Variants in APPL2 observed in about 807,000 individuals in gnomAD.
APPL2 encodes adaptor protein, phosphotyrosine interacting with PH domain and leucine zipper 2.
Under a neutral mutation model 92.7 loss-of-function variants are expected in APPL2, and 84 were observed. That is an observed-to-expected ratio of 0.91 (90% CI 0.76 to 1.09). The LOEUF is 1.09. Among genes scored for constraint, APPL2 ranks in the 50% least tolerant of loss-of-function variants. The probability of loss-of-function intolerance (pLI) is 0.00; values close to 1 mark genes in which losing one functional copy is unlikely to be tolerated. For missense variants in APPL2, 736 were observed against 824.5 expected, an observed-to-expected ratio of 0.89 and a Z score of 1.31; for synonymous variants, 291 against 291.0, an observed-to-expected ratio of 1.00 and a Z score of 0.00.
At chr12:105,196,539 G>A (rs547032428) in intron 11 of APPL2, among the ~76,000 whole-genome samples, 140 of 143,970 alleles carry the variant, frequency 9.7e-4, no homozygotes, top group Non-Finnish European at 1.2e-3. Context: ...AGGTTCAAGC[G>A]ATTCTCCTGC....
chr12:105,220,512 C>A lies in APPL2; in HGVS notation c.154-2787G>T, dbSNP rs891086775. Among the ~76,000 whole-genome samples the A allele has an allele frequency of 2.0e-5, 3 of 152,336 alleles. No individual in the cohort carries two copies. In the East Asian group the frequency reaches 5.8e-4, roughly 29 times the overall value. Reference sequence around the variant, plus strand: ...CTCTGCAGGAGGCTCTCTTAAGCTACACCATTTCAGATCCCAGGAGCTTCT... The same window carrying A: ...CTCTGCAGGAGGCTCTCTTAAGCTAAACCATTTCAGATCCCAGGAGCTTCT... On this transcript the variant is annotated intron_variant, in intron 2 of 20. Transcript: ENST00000258530.
intron 16 of APPL2, among the ~76,000 whole-genome samples, chr12:105,188,851 A>G (rs1886956090): frequency 6.6e-6 from 1 of 152,186 alleles, no homozygotes; most frequent in African/African-American, 2.4e-5. Flanking sequence ...TTTGCAGGAT[A>G]TAAGATCTCA....
At chr12:105,194,653 T>G (rs1566064916) in intron 14 of APPL2, among the ~76,000 whole-genome samples, 1 of 151,906 alleles carries the variant, frequency 6.6e-6, no homozygotes, top group African/African-American at 2.4e-5. Flanking sequence ...ATTACTCCAC[T>G]GCACTCCAGC....
chr12:105,208,001 G>A lies in APPL2; in HGVS notation c.444C>T (p.Ser148=). The change falls in exon 7 of 21, where the codon AGC becomes AGT. Residue 148 remains serine (S), a synonymous_variant. Transcript: ENST00000258530. The stretch of plus-strand genomic sequence containing the variant: ...CATTCTCCTTTTTCTTAGGCAGCCT[G>A]CTGTATTTTGCCATTGAGAGGTCAT... ...NEHDLSMAKY[S]RLPKKKENEK... is the part of the protein sequence containing the mutation. 6.2e-7 allele frequency: 1 copy of A among 1,614,092 alleles called. No individual in the cohort carries two copies. Among genetic ancestry groups the A allele is most frequent in the Non-Finnish European group, 8.5e-7 (1 of 1,179,938 alleles).
chr12:105,209,494 G>C (rs535587641), intron 5 of APPL2, among the ~76,000 whole-genome samples: 2 of 152,114 alleles, frequency 1.3e-5, no homozygotes, highest in Non-Finnish European at 2.9e-5. Flanking sequence ...AATGCTGCTG[G>C]GCACTCTCAA....
chr12:105,228,564 TAGAA>T (rs1306022669), intron 2 of APPL2, among the ~76,000 whole-genome samples: 3 of 152,224 alleles, frequency 2.0e-5, no homozygotes, highest in African/African-American at 7.2e-5. Flanking sequence ...AATCTTCTCT[TAGAA>T]AGCAACATAC....
In APPL2 at chr12:105,191,194, C is replaced by CA. The variant is rs559962969; in HGVS notation, c.1242-1040dup. Among the ~76,000 whole-genome samples, 206 of 152,296 alleles carry CA rather than the reference C, an allele frequency of 1.4e-3. 1 individual carries two copies. The highest frequency in any genetic ancestry group is 4.7e-3 in the African/African-American group (196 of 41,566). On this transcript the variant is annotated intron_variant, in intron 14 of 20. Coordinates refer to ENST00000258530, the MANE Select transcript of APPL2 (RefSeq NM_018171.5). ...TACATAGGCTTGTAGATGGTCACTG[C>CA]AAGGCAAGCCCTTGGAGACCACTTG...
intron 17 of APPL2, among the ~76,000 whole-genome samples, chr12:105,178,592 C>A (rs1196862): frequency 6.6e-5 from 10 of 152,186 alleles, no homozygotes; most frequent in Non-Finnish European, 1.3e-4. Context: ...CGTGCAGTTA[C>A]ACTTATTAAA....
At chr12:105,184,845 C>A (rs910111505) in intron 17 of APPL2, among the ~76,000 whole-genome samples, 1 of 152,188 alleles carries the variant, frequency 6.6e-6, no homozygotes, top group Non-Finnish European at 1.5e-5. Context: ...TCTGCTGAAA[C>A]TGCGCCCACA....
chr12:105,232,961 G>A lies in APPL2; in HGVS notation c.54+2998C>T, dbSNP rs59308959. 9.3e-4 allele frequency: 462 copies of A among 498,788 alleles called. 5 individuals carry two copies. The highest frequency in any genetic ancestry group is 8.9e-3 in the African/African-American group (425 of 47,652). 30.9% of individuals were successfully genotyped at this position (498,788 alleles called of 1,614,324 possible). ...CTGCTCCCAGCCGGGCCACTCAACT[G>A]CATAACCTCAGAACTACATCTTTTA... On this transcript the variant is annotated intron_variant, in intron 1 of 20. Coordinates refer to ENST00000258530, the MANE Select transcript of APPL2 (RefSeq NM_018171.5).
At chr12:105,222,780 T>A (rs1279083244) in intron 2 of APPL2, among the ~76,000 whole-genome samples, 4 of 152,152 alleles carry the variant, frequency 2.6e-5, no homozygotes, top group Non-Finnish European at 5.9e-5. Flanking sequence ...TTAAGTGCTC[T>A]GACCAACAAG....
At chr12:105,224,180 C>T (rs997786505) in intron 2 of APPL2, among the ~76,000 whole-genome samples, 14 of 152,190 alleles carry the variant, frequency 9.2e-5, no homozygotes, top group Non-Finnish European at 1.0e-4. Context: ...GAGCCATTCA[C>T]GCCCTCTGCT....
intron 2 of APPL2, among the ~76,000 whole-genome samples, chr12:105,228,158 TAGTA>T (rs1435358616): frequency 6.6e-5 from 10 of 152,190 alleles, no homozygotes; most frequent in Non-Finnish European, 1.3e-4. Context: ...CTATATATAT[TAGTA>T]AGAGCTATAT....
chr12:105,205,263 CA>C (rs750408146), intron 8 of APPL2, among the ~76,000 whole-genome samples: 1 of 152,190 alleles, frequency 6.6e-6, no homozygotes, highest in African/African-American at 2.4e-5. Flanking sequence ...TTTCCATCTG[CA>C]TTTAAAAATA....
chr12:105,183,668 T>C (rs751101832), intron 17 of APPL2, among the ~76,000 whole-genome samples: 10 of 152,210 alleles, frequency 6.6e-5, no homozygotes, highest in Non-Finnish European at 1.3e-4. Flanking sequence ...AATGTGACCT[T>C]TCTCTCTGGC....
intron 20 of APPL2, 38 bp downstream of exon 20, chr12:105,175,997 T>C (rs900581175): frequency 3.9e-6 from 6 of 1,529,902 alleles, no homozygotes; most frequent in South Asian, 1.3e-5. Flanking sequence ...CAGATGTGTT[T>C]TGAGTAGCTA....
At chr12:105,215,983 C>T (rs752931834) in intron 4 of APPL2, among the ~76,000 whole-genome samples, 2 of 152,022 alleles carry the variant, frequency 1.3e-5, no homozygotes, top group Non-Finnish European at 2.9e-5. Flanking sequence ...GCCGAGATTG[C>T]GCCACTGCAC....
At chr12:105,209,792 C>T (rs1446510147) in intron 5 of APPL2, among the ~76,000 whole-genome samples, 1 of 152,148 alleles carries the variant, frequency 6.6e-6, no homozygotes, top group Non-Finnish European at 1.5e-5. Flanking sequence ...TTTGTTTAAT[C>T]AAGGTTTCCC....
At chr12:105,198,746 C>T (rs922581324) in intron 10 of APPL2, among the ~76,000 whole-genome samples, 11 of 152,332 alleles carry the variant, frequency 7.2e-5, no homozygotes, top group African/African-American at 2.2e-4. Flanking sequence ...AATCTAACTT[C>T]GTAAAGCAGG....
Sources: allele counts gnomAD v4.1 joint callset (sites outside exome capture counted in the v4.1 genomes callset), GRCh38; gene constraint gnomAD v4.1.1; transcripts MANE v1.5; gene names NCBI Gene and HGNC (gene_info 2026-07-23, HGNC 2026-07-21).